Variants in SNX13 observed in about 807,000 individuals in gnomAD.
SNX13 encodes the protein sorting nexin 13.
Under a neutral mutation model 133.6 loss-of-function variants are expected in SNX13, and 45 were observed. The observed-to-expected ratio is 0.34, with a 90% CI of 0.27 to 0.43. The LOEUF (loss-of-function observed/expected upper bound fraction) is 0.43. Among genes scored for constraint, SNX13 ranks in the 20% least tolerant of loss-of-function variants. The pLI is 1.00. For missense variants in SNX13, 1,032 were observed against 1,145.1 expected, an observed-to-expected ratio of 0.90 and a Z score of 1.43; for synonymous variants, 414 against 373.9, an observed-to-expected ratio of 1.11 and a Z score of -1.24.
chr7:17,811,777 T>C (rs144345622), intron 20 of SNX13, among the ~76,000 whole-genome samples: 505 of 152,296 alleles, frequency 3.3e-3, no homozygotes, highest in African/African-American at 0.011. Context: ...CAAAACAGCA[T>C]GGTACTGGTA....
At chr7:17,894,683 C>G (rs1241066527) in intron 2 of SNX13, among the ~76,000 whole-genome samples, 1 of 151,994 alleles carries the variant, frequency 6.6e-6, no homozygotes, top group African/African-American at 2.4e-5. Flanking sequence ...ACCAATAAAG[C>G]AAAGTGTTGG....
intron 8 of SNX13, 24 bp from the exon 9 acceptor site, chr7:17,868,514 A>G: frequency 6.6e-7 from 1 of 1,521,420 alleles, no homozygotes. Flanking sequence ...AAATAACAAA[A>G]ACAAATTTAA....
At chr7:17,863,179 C>T (rs777997477) in intron 9 of SNX13, among the ~76,000 whole-genome samples, 1 of 114,774 alleles carries the variant, frequency 8.7e-6, no homozygotes, top group East Asian at 2.6e-4. Flanking sequence ...GGGAATAACT[C>T]GAATCCAGGT....
rs182290016 is a variant in SNX13 at position 17,852,257 on chromosome 7, C to G, written c.838-1293G>C. The stretch of plus-strand genomic sequence containing the variant: ...GGCATGGTGGCAGGTGCCTGTAATC[C>G]CAGCTACTAGGAAGGTAAGGCGAGA... On this transcript the variant is annotated intron_variant, in intron 9 of 25. Transcript: ENST00000428135. Among the ~76,000 whole-genome samples, 585 of 152,154 alleles carry G rather than the reference C, an allele frequency of 3.8e-3. 6 individuals carry two copies. Among genetic ancestry groups the G allele is most frequent in the Non-Finnish European group, 3.7e-3 (251 of 67,980 alleles).
intron 20 of SNX13, among the ~76,000 whole-genome samples, chr7:17,810,231 A>G (rs1247687239): frequency 6.6e-6 from 1 of 152,178 alleles, no homozygotes; most frequent in Non-Finnish European, 1.5e-5. Context: ...TAGCCAGACT[A>G]ATAAAGAAGA....
At chr7:17,859,326 G>A (rs1165743067) in intron 9 of SNX13, among the ~76,000 whole-genome samples, 4 of 151,660 alleles carry the variant, frequency 2.6e-5, no homozygotes, top group African/African-American at 4.8e-5. Context: ...AAAGACGCTC[G>A]GTATCATTAG....
chr7:17,837,629 T>C (rs1789300655), intron 13 of SNX13, among the ~76,000 whole-genome samples: 1 of 151,998 alleles, frequency 6.6e-6, no homozygotes, highest in South Asian at 2.1e-4. Flanking sequence ...AAATTCATCA[T>C]ATAGGCTATC....
At chr7:17,821,253 A>G (rs1307172473) in intron 18 of SNX13, among the ~76,000 whole-genome samples, 1 of 152,178 alleles carries the variant, frequency 6.6e-6, no homozygotes, top group African/African-American at 2.4e-5. Flanking sequence ...AAAATCAGAA[A>G]CATGTATTCA....
intron 1 of SNX13, among the ~76,000 whole-genome samples, chr7:17,933,203 T>C (rs1562546061): frequency 6.6e-6 from 1 of 152,224 alleles, no homozygotes. Context: ...GACAAATGAC[T>C]GGTAACCCTC....
chr7:17,847,069 G>A lies in SNX13; in HGVS notation c.1066-1375C>T, dbSNP rs1266115992. Among the ~76,000 whole-genome samples the A allele has an allele frequency of 2.0e-5, 3 of 152,174 alleles. No individual in the cohort carries two copies. In the East Asian group the frequency reaches 5.8e-4, roughly 29 times the overall value. On this transcript the variant is annotated intron_variant, in intron 11 of 25. Coordinates refer to ENST00000428135, the MANE Select transcript of SNX13 (RefSeq NM_015132.5). ...TTTTAAAAGGATTCAATATCAAAAA[G>A]TGCCTGGGTAAATACACTGAGTAAT...
intron 1 of SNX13, among the ~76,000 whole-genome samples, chr7:17,923,995 G>T (rs904478613): frequency 2.6e-5 from 4 of 152,082 alleles, no homozygotes; most frequent in African/African-American, 9.7e-5. Context: ...AACTATAATG[G>T]TTTAACTTCA....
At chr7:17,807,074 C>T (rs1405410310) in intron 20 of SNX13, among the ~76,000 whole-genome samples, 1 of 152,076 alleles carries the variant, frequency 6.6e-6, no homozygotes, top group East Asian at 1.9e-4. Flanking sequence ...TTTTTCATAC[C>T]CCAGAGGTGC....
intron 16 of SNX13, among the ~76,000 whole-genome samples, chr7:17,828,925 T>TA (rs1212127115): frequency 6.6e-6 from 1 of 151,580 alleles, no homozygotes; most frequent in Non-Finnish European, 1.5e-5. Context: ...TAATGAACAT[T>TA]ATTTTTAACA....
At chr7:17,830,650 G>T in intron 15 of SNX13, 1 of 983,508 alleles carries the variant, frequency 1.0e-6, no homozygotes, top group Non-Finnish European at 1.2e-6. Flanking sequence ...ACAAATTAAT[G>T]TGAGAGAATA....
chr7:17,805,657 T>G (rs576185921), intron 20 of SNX13, among the ~76,000 whole-genome samples: 65 of 152,300 alleles, frequency 4.3e-4, no homozygotes, highest in Non-Finnish European at 8.7e-4. Context: ...AAACTTGAGT[T>G]TACCTATTAT....
chr7:17,817,699 T>C (rs1786811773), intron 18 of SNX13, among the ~76,000 whole-genome samples: 1 of 152,138 alleles, frequency 6.6e-6, no homozygotes, highest in Non-Finnish European at 1.5e-5. Flanking sequence ...AATTTGGTGA[T>C]TTACAAAAGT....
intron 1 of SNX13, among the ~76,000 whole-genome samples, chr7:17,912,369 G>C (rs1156841353): frequency 1.3e-5 from 2 of 151,856 alleles, no homozygotes; most frequent in African/African-American, 4.8e-5. Flanking sequence ...AAGACACCAG[G>C]AAAAGCTGCA....
At chr7:17,894,163 T>G (rs562561813) in intron 2 of SNX13, among the ~76,000 whole-genome samples, 260 of 148,728 alleles carry the variant, frequency 1.7e-3, no homozygotes, top group African/African-American at 6.1e-3. Context: ...ATTAGCTGGG[T>G]GTGGTGACAT....
chr7:17,908,899 C>T (rs1457007006), intron 1 of SNX13, among the ~76,000 whole-genome samples: 1 of 152,066 alleles, frequency 6.6e-6, no homozygotes, highest in Non-Finnish European at 1.5e-5. Flanking sequence ...GAGGAAGCAT[C>T]TTGGAAAATG....
Sources: gnomAD v4.1 joint callset for allele counts (sites outside exome capture counted in the v4.1 genomes callset) on GRCh38, gnomAD v4.1.1 for gene constraint, MANE v1.5 for transcripts, NCBI Gene and HGNC (gene_info 2026-07-23, HGNC 2026-07-21) for gene names.